Variants in ME1 observed in about 807,000 individuals in gnomAD.
ME1 encodes malic enzyme 1.
Under a neutral mutation model 66.4 loss-of-function variants are expected in ME1, and 74 were observed. That is an observed-to-expected ratio of 1.11 (90% CI 0.92 to 1.35). ME1 has a LOEUF of 1.35. Among genes scored for constraint, ME1 ranks in the 40% most tolerant of loss-of-function variants. The pLI is 0.00. For missense variants in ME1, 750 were observed against 694.1 expected (o/e 1.08, Z -0.90); for synonymous variants, 251 against 235.6 (o/e 1.07, Z -0.60).
At chr6:83,400,812 AACC>A (rs1353844978) in intron 2 of ME1, among the ~76,000 whole-genome samples, 1 of 152,154 alleles carries the variant, frequency 6.6e-6, no homozygotes. Context: ...ATACCTAATC[AACC>A]GCCCATTACC....
chr6:83,429,825 G>T lies in ME1; in HGVS notation c.78+1052C>A, dbSNP rs531485465. Among the ~76,000 whole-genome samples the T allele has an allele frequency of 2.4e-4, 36 of 152,224 alleles. No individual in the cohort carries two copies. The South Asian group carries it at 6.0e-3, about 25-fold the overall frequency. On this transcript the variant is annotated intron_variant, in intron 1 of 13. Coordinates refer to ENST00000369705, the MANE Select transcript of ME1 (RefSeq NM_002395.6). ...TGAGCTTCTGTTCTTAATGTGAAAT[G>T]CAGTCCACCAAAGAGACAACCAAAA...
chr6:83,421,823 A>G (rs1028322735), intron 1 of ME1, among the ~76,000 whole-genome samples: 7 of 152,220 alleles, frequency 4.6e-5, no homozygotes, highest in African/African-American at 1.7e-4. Flanking sequence ...GGCAGAAGCA[A>G]TAACCACGAC....
chr6:83,324,181 T>A (rs1169530658), intron 5 of ME1, among the ~76,000 whole-genome samples: 2 of 151,822 alleles, frequency 1.3e-5, no homozygotes, highest in Non-Finnish European at 2.9e-5. Flanking sequence ...GGGACACAGC[T>A]AAAGCAGTAT....
At chr6:83,228,076 T>C (rs976709060) in intron 10 of ME1, among the ~76,000 whole-genome samples, 1 of 152,228 alleles carries the variant, frequency 6.6e-6, no homozygotes, top group African/African-American at 2.4e-5. Flanking sequence ...ATTTTCAACG[T>C]TGTCATCTGT....
intron 6 of ME1, among the ~76,000 whole-genome samples, chr6:83,311,253 ATTTGT>A (rs1767926469): frequency 1.3e-5 from 2 of 152,214 alleles, no homozygotes; most frequent in African/African-American, 4.8e-5. Flanking sequence ...CAAGACCAGT[ATTTGT>A]ATTAGCCAGG....
intron 6 of ME1, 123 bp downstream of exon 6, chr6:83,315,187 T>C (rs1768006575): frequency 3.2e-6 from 2 of 629,228 alleles, no homozygotes; most frequent in Non-Finnish European, 5.7e-6. Context: ...ATAGATAGGA[T>C]ATATGCATTT....
Position 83,352,056 on chromosome 6 carries a change from T to A in ME1, c.438+8A>T, listed in dbSNP as rs1187275457. 1 of 1,576,622 alleles carries A rather than the reference T, an allele frequency of 6.3e-7. No homozygotes were observed. Among genetic ancestry groups the A allele is most frequent in the African/African-American group, 1.4e-5 (1 of 72,132 alleles). ...AATTTGCTATAGTGGAAAAACATGATAACTTACCTTGATGACATCTTCTGG... is the reference window on the plus strand; with the variant it reads ...AATTTGCTATAGTGGAAAAACATGAAAACTTACCTTGATGACATCTTCTGG... On this transcript the variant is annotated splice_region_variant and intron_variant, in intron 4 of 13. Transcript: ENST00000369705.
chr6:83,400,828 G>A (rs966454271), intron 2 of ME1, among the ~76,000 whole-genome samples: 9 of 152,068 alleles, frequency 5.9e-5, no homozygotes, highest in African/African-American at 2.2e-4. Flanking sequence ...CCATTACCTC[G>A]CTAACTTCCT....
chr6:83,383,372 G>C lies in ME1; in HGVS notation c.362+14995C>G, dbSNP rs115031087. Among the ~76,000 whole-genome samples, 1,408 of 151,826 alleles carry C rather than the reference G, an allele frequency of 9.3e-3. 50 individuals carry two copies. The highest frequency in any genetic ancestry group is 0.032 in the African/African-American group (1,337 of 41,326). ...CTCTACATATCACAGCTCAACTATT[G>C]TTTCCAAATAAATGTGGACTCAAAA... On this transcript the variant is annotated intron_variant, in intron 3 of 13. Transcript: ENST00000369705.
At chr6:83,241,836 T>C (rs1242222888) in intron 7 of ME1, among the ~76,000 whole-genome samples, 1 of 152,174 alleles carries the variant, frequency 6.6e-6, no homozygotes, top group Non-Finnish European at 1.5e-5. Context: ...CTTAGGTTTA[T>C]CTTCATACTA....
rs372600479 is a variant in ME1 at position 83,249,167 on chromosome 6, C to T, written c.814+4462G>A. ...AATAAAGACTCAGGATTTTTAAAGC[C>T]GTTAAATGTATATAGCTGCCATACT... On this transcript the variant is annotated intron_variant, in intron 7 of 13. Coordinates refer to ENST00000369705, the MANE Select transcript of ME1 (RefSeq NM_002395.6). 3.8e-3 allele frequency among the ~76,000 whole-genome samples: 583 copies of T among 151,886 alleles called. 2 individuals carry two copies. Among genetic ancestry groups the T allele is most frequent in the African/African-American group, 0.013 (559 of 41,440 alleles).
At chr6:83,315,275 A>C in intron 6 of ME1, 35 bp downstream of exon 6, 1 of 1,266,188 alleles carries the variant, frequency 7.9e-7, no homozygotes. Context: ...TGTTATTGTT[A>C]CTGACTAAAA....
intron 6 of ME1, among the ~76,000 whole-genome samples, chr6:83,267,656 A>G (rs1767011818): frequency 6.6e-6 from 1 of 152,184 alleles, no homozygotes; most frequent in African/African-American, 2.4e-5. Context: ...TGTGCAAGAA[A>G]CATAAGTAAC....
intron 5 of ME1, 148 bp from the exon 6 acceptor site, chr6:83,315,561 A>C: frequency 1.7e-6 from 1 of 592,398 alleles, no homozygotes; most frequent in Non-Finnish European, 3.0e-6. Context: ...TAATTACTTA[A>C]TGTTACATAG....
rs191892108 is a variant in ME1, at chr6:83,417,807, T to G, written c.79-9906A>C. ...TAAATATATTATCTTGCTATATGAG[T>G]CTTCAATAAAGAGGAATATATCTTA... On this transcript the variant is annotated intron_variant, in intron 1 of 13. Transcript: ENST00000369705. Among the ~76,000 whole-genome samples, 367 of 152,334 alleles carry G rather than the reference T, an allele frequency of 2.4e-3. 10 individuals are homozygous for G. The highest frequency in any genetic ancestry group is 1.1e-3 in the Non-Finnish European group (76 of 68,018).
intron 3 of ME1, among the ~76,000 whole-genome samples, chr6:83,371,696 A>G (rs1769195911): frequency 6.6e-6 from 1 of 152,152 alleles, no homozygotes; most frequent in African/African-American, 2.4e-5. Context: ...CGATCCCTTC[A>G]ATTCTACTCT....
At chr6:83,257,735 A>G (rs1180187) in intron 6 of ME1, among the ~76,000 whole-genome samples, 76,954 of 152,116 alleles carry the variant, frequency 0.51, 23,260 homozygotes, top group African/African-American at 0.86. Flanking sequence ...AGCAAACTTC[A>G]TCATAGCAAC....
At chr6:83,302,216 C>T (rs1767737416) in intron 6 of ME1, among the ~76,000 whole-genome samples, 1 of 152,120 alleles carries the variant, frequency 6.6e-6, no homozygotes, top group African/African-American at 2.4e-5. Context: ...AAACAAATTA[C>T]CACATGTTCT....
At chr6:83,243,455 ATTATATTTATATAT>A (rs1416126581) in intron 7 of ME1, among the ~76,000 whole-genome samples, 3 of 91,510 alleles carry the variant, frequency 3.3e-5, no homozygotes, top group Non-Finnish European at 6.0e-5. Flanking sequence ...ATATAATTAG[ATTATATTTATATAT>A]TTATATAATC....
Sources: allele counts gnomAD v4.1 joint callset (sites outside exome capture counted in the v4.1 genomes callset), GRCh38; gene constraint gnomAD v4.1.1; transcripts MANE v1.5; gene names NCBI Gene and HGNC (gene_info 2026-07-23, HGNC 2026-07-21).